LRRC7: variants seen among roughly 807,000 people sequenced by gnomAD.
LRRC7 encodes leucine-rich repeat-containing protein 7.
In LRRC7, 23 loss-of-function variants were observed where a neutral mutation model predicts 175.7. The ratio of observed to expected loss-of-function variants is 0.13; its 90% CI spans 0.09 to 0.19. The LOEUF (loss-of-function observed/expected upper bound fraction) is 0.19. Among genes scored for constraint, LRRC7 ranks in the 10% least tolerant of loss-of-function variants. LRRC7 has a pLI of 1.00. For synonymous variants in LRRC7, 685 were observed against 680.9 expected (o/e 1.01, Z -0.09); for missense variants, 1,354 against 1,904.7 (o/e 0.71, Z 5.38).
At chr1:69,972,967 CTATATATAAATACTA>C (rs1225815083) in intron 8 of LRRC7, among the ~76,000 whole-genome samples, 6 of 140,828 alleles carry the variant, frequency 4.3e-5, no homozygotes, top group South Asian at 2.2e-4. Flanking sequence ...ATATATAATA[CTATATATAAATACTA>C]TATATATAAA....
At chr1:69,878,877 AT>A (rs1178226079) in intron 7 of LRRC7, among the ~76,000 whole-genome samples, 1 of 148,246 alleles carries the variant, frequency 6.7e-6, no homozygotes, top group Non-Finnish European at 1.5e-5. Context: ...ATATTTATAT[AT>A]AAATATATAT....
rs552326102 is a variant in LRRC7, at chr1:69,944,378, A to G, written c.711+12808A>G. Among the ~76,000 whole-genome samples the G allele has an allele frequency of 2.8e-4, 43 of 152,208 alleles. No homozygotes were observed. The South Asian group carries it at 8.1e-3, about 29-fold the overall frequency. ...CATCAGTTGATCCACTCATTCATCA[A>G]TGGACATGTAAGACATTTATTTATT... On this transcript the variant is annotated intron_variant, in intron 8 of 26. Transcript: ENST00000651989.
intron 1 of LRRC7, among the ~76,000 whole-genome samples, chr1:69,629,726 C>G (rs893486819): frequency 1.3e-5 from 2 of 152,032 alleles, no homozygotes; most frequent in African/African-American, 4.8e-5. Context: ...CTGTCATGTT[C>G]TTTCCCTCTC....
chr1:69,606,559 A>G (rs2101014189), intron 1 of LRRC7, among the ~76,000 whole-genome samples: 1 of 152,256 alleles, frequency 6.6e-6, no homozygotes, highest in East Asian at 1.9e-4. Context: ...TACTAAAACA[A>G]ATAGTTTTAA....
rs1425865333 is a variant in LRRC7 at position 70,138,249 on chromosome 1, C to G, written c.*16362C>G. 1 of 151,978 alleles carries G rather than the reference C, an allele frequency of 6.6e-6. No individual in the cohort carries two copies. Among genetic ancestry groups the G allele is most frequent in the Non-Finnish European group, 1.5e-5 (1 of 67,994 alleles). The allele number at this position is 151,978 out of a possible 1,614,324, so 9.4% of individuals were successfully genotyped here. A position where few individuals can be genotyped will look rare whatever the true frequency, so the allele number is the denominator to read the frequency against. ...CAAAGGACTCCTGACCTTCAAGTAC[C>G]AGTTTGGGCATATTACTGGAGATCC... On this transcript the variant is annotated 3_prime_UTR_variant, in exon 27 of 27. Coordinates refer to ENST00000651989, the MANE Select transcript of LRRC7 (RefSeq NM_001370785.2).
intron 8 of LRRC7, among the ~76,000 whole-genome samples, chr1:69,960,730 A>G (rs1244139482): frequency 6.6e-6 from 1 of 152,064 alleles, no homozygotes; most frequent in African/African-American, 2.4e-5. Context: ...CAAAAACCAT[A>G]TGATTATCTC....
At chr1:69,911,071 A>G (rs1359309587) in intron 7 of LRRC7, among the ~76,000 whole-genome samples, 1 of 152,168 alleles carries the variant, frequency 6.6e-6, no homozygotes, top group Non-Finnish European at 1.5e-5. Flanking sequence ...TTAGGGTGGG[A>G]GTGACCTGAT....
intron 1 of LRRC7, among the ~76,000 whole-genome samples, chr1:69,577,866 C>CT (rs1293873261): frequency 6.6e-6 from 1 of 152,082 alleles, no homozygotes; most frequent in Non-Finnish European, 1.5e-5. Context: ...GATGCGGGCT[C>CT]TTTTTTGGTT....
chr1:70,076,040 C>G, intron 23 of LRRC7, 37 bp from the exon 24 acceptor site: 1 of 1,606,296 alleles, frequency 6.2e-7, no homozygotes, highest in Non-Finnish European at 8.5e-7. Context: ...CCTTTCAGCA[C>G]CATGAATCTT....
At chr1:69,602,414 A>C (rs772389964) in intron 1 of LRRC7, among the ~76,000 whole-genome samples, 10 of 152,172 alleles carry the variant, frequency 6.6e-5, no homozygotes, top group Non-Finnish European at 1.2e-4. Context: ...AGTGGCAGAC[A>C]GCTAATGCTA....
chr1:69,980,204 T>G (rs1258023286), intron 8 of LRRC7, among the ~76,000 whole-genome samples, 175 bp from the exon 9 acceptor site: 1 of 152,186 alleles, frequency 6.6e-6, no homozygotes, highest in African/African-American at 2.4e-5. Context: ...CCAAATTGGC[T>G]GTCAGGGAAT....
In LRRC7 at chr1:70,143,571, A is replaced by G. The variant is rs1170630183; in HGVS notation, c.*21684A>G. 1 of 152,150 alleles carries G rather than the reference A, an allele frequency of 6.6e-6. No individual in the cohort carries two copies. Among genetic ancestry groups the G allele is most frequent in the Non-Finnish European group, 1.5e-5 (1 of 68,018 alleles). 9.4% of individuals were successfully genotyped at this position (152,150 alleles called of 1,614,324 possible). On this transcript the variant is annotated 3_prime_UTR_variant, in exon 27 of 27. Coordinates refer to ENST00000651989, the MANE Select transcript of LRRC7 (RefSeq NM_001370785.2). The stretch of plus-strand genomic sequence containing the variant: ...CACAGCAGTATAGCAAAAGAGGCTT[A>G]ATCTTTATAAATTGGGGCCTTTTCT...
intron 2 of LRRC7, among the ~76,000 whole-genome samples, chr1:69,747,449 T>C (rs768533582): frequency 4.6e-5 from 7 of 152,148 alleles, no homozygotes; most frequent in South Asian, 2.1e-4. Context: ...ATAGTGAAGA[T>C]AGCAGAGAGC....
intron 1 of LRRC7, among the ~76,000 whole-genome samples, chr1:69,671,787 G>A (rs550147399): frequency 1.3e-5 from 2 of 152,142 alleles, no homozygotes; most frequent in East Asian, 3.9e-4. Context: ...GACAGGGGCA[G>A]CATTGAGTTC....
At chr1:69,752,377 T>C (rs1669934972) in intron 2 of LRRC7, among the ~76,000 whole-genome samples, 1 of 152,202 alleles carries the variant, frequency 6.6e-6, no homozygotes, top group African/African-American at 2.4e-5. Flanking sequence ...TTGGAAAGAC[T>C]GAACTTTCCT....
chr1:69,639,869 C>T (rs547573865), intron 1 of LRRC7, among the ~76,000 whole-genome samples: 68 of 151,628 alleles, frequency 4.5e-4, no homozygotes, highest in African/African-American at 1.5e-3. Context: ...AAAAAAAAAT[C>T]GGTTAATAAT....
rs115599729 is a variant in LRRC7, at chr1:69,845,306, G to C, written c.647+7023G>C. ...TAAAAAACAGCATTTTAGAAGTAAA[G>C]GTTCTATCCGTATGTGACTAATATA... On this transcript the variant is annotated intron_variant, in intron 7 of 26. Transcript: ENST00000651989. Among the ~76,000 whole-genome samples the C allele has an allele frequency of 3.3e-3, 499 of 152,080 alleles. 5 individuals are homozygous for C. The highest frequency in any genetic ancestry group is 3.8e-3 in the Non-Finnish European group (256 of 67,968).
At chr1:69,964,439 A>G (rs1651457203) in intron 8 of LRRC7, among the ~76,000 whole-genome samples, 1 of 152,216 alleles carries the variant, frequency 6.6e-6, no homozygotes. Flanking sequence ...ACCATTATGC[A>G]TACTGCCTGT....
chr1:69,814,444 T>G (rs1310038074), intron 4 of LRRC7, among the ~76,000 whole-genome samples: 1 of 152,172 alleles, frequency 6.6e-6, no homozygotes, highest in African/African-American at 2.4e-5. Flanking sequence ...ATCTAGAATT[T>G]TTCAAGTACT....
Sources: allele counts gnomAD v4.1 joint callset (sites outside exome capture counted in the v4.1 genomes callset), GRCh38; gene constraint gnomAD v4.1.1; transcripts MANE v1.5; gene names NCBI Gene and HGNC (gene_info 2026-07-23, HGNC 2026-07-21).